The following TFEC variants were observed in gnomAD, a reference collection of about 807,000 sequenced individuals.
TFEC encodes the protein transcription factor EC.
A neutral mutation model predicts 41.6 loss-of-function variants in TFEC; 31 were observed. The ratio of observed to expected loss-of-function variants is 0.74; its 90% confidence interval spans 0.56 to 1.01. The LOEUF (loss-of-function observed/expected upper bound fraction) is 1.01, where lower values mean the gene tolerates loss of function less well. Among genes scored for constraint, TFEC ranks in the 50% least tolerant of loss-of-function variants. The pLI is 0.00. For synonymous variants in TFEC, 143 were observed against 140.6 expected (o/e 1.02, Z -0.12); for missense variants, 402 against 404.1 (o/e 0.99, Z 0.04).
intron 3 of TFEC, among the ~76,000 whole-genome samples, chr7:116,064,441 A>G (rs1027537032): frequency 7.9e-5 from 12 of 151,714 alleles, no homozygotes; most frequent in Admixed American, 5.9e-4. Flanking sequence ...TTCTATGTCA[A>G]TCATAACTCA....
chr7:116,035,812 T>TAA (rs1795895866), upstream of TFEC, among the ~76,000 whole-genome samples: 2 of 151,534 alleles, frequency 1.3e-5, no homozygotes, highest in Admixed American at 6.6e-5. Context: ...AATAATTTGT[T>TAA]GAGAGAGAGA....
intron 4 of TFEC, 140 bp from the exon 5 acceptor site, chr7:115,954,782 C>A: frequency 1.6e-6 from 1 of 638,460 alleles, no homozygotes; most frequent in Admixed American, 3.5e-5. Flanking sequence ...TGCAAATATT[C>A]AGAAATTTGG....
At chr7:115,992,730 A>G (rs561740795) in intron 1 of TFEC, among the ~76,000 whole-genome samples, 11 of 152,324 alleles carry the variant, frequency 7.2e-5, no homozygotes, top group African/African-American at 2.6e-4. Context: ...CCAACCAAAA[A>G]AAGTCCAGGA....
At position 115,938,051 on chromosome 7, in the gene TFEC, C is replaced by G. The variant is rs974564760; in HGVS notation, c.*2500G>C. The stretch of plus-strand genomic sequence containing the variant: ...TTACAGTTCCCTGACATCTCATAAT[C>G]TGAATGTAGCAGCAAATAGCAGTTC... On this transcript the variant is annotated 3_prime_UTR_variant, in exon 8 of 8. Transcript: ENST00000265440. 6.6e-6 allele frequency: 1 copy of G among 151,886 alleles called. No individual in the cohort carries two copies. The highest frequency in any genetic ancestry group is 1.5e-5 in the Non-Finnish European group (1 of 67,866). 9.4% of individuals were successfully genotyped at this position (151,886 alleles called of 1,614,324 possible).
intron 1 of TFEC, among the ~76,000 whole-genome samples, chr7:116,022,005 G>A (rs540460047): frequency 2.0e-5 from 3 of 152,104 alleles, no homozygotes; most frequent in South Asian, 2.1e-4. Flanking sequence ...CAGGCTTATC[G>A]GCCCTGCCTG....
intron 3 of TFEC, among the ~76,000 whole-genome samples, chr7:116,042,451 T>A (rs992910418): frequency 2.0e-5 from 3 of 152,190 alleles, no homozygotes; most frequent in African/African-American, 7.2e-5. Context: ...GTTGAGCTAA[T>A]GTTATTTAAT....
At chr7:116,109,633 T>C (rs1010935595) in intron 3 of TFEC, among the ~76,000 whole-genome samples, 1 of 152,290 alleles carries the variant, frequency 6.6e-6, no homozygotes, top group South Asian at 2.1e-4. Flanking sequence ...GGTGGGACTG[T>C]AAACTAGTTC....
intron 6 of TFEC, among the ~76,000 whole-genome samples, chr7:115,947,280 T>C (rs1432271737): frequency 2.0e-5 from 3 of 151,740 alleles, no homozygotes; most frequent in Non-Finnish European, 4.4e-5. Context: ...TAGTATTCCA[T>C]GGTGGATATG....
chr7:116,136,597 A>T (rs1217376706), intron 1 of TFEC, among the ~76,000 whole-genome samples: 2 of 151,924 alleles, frequency 1.3e-5, no homozygotes, highest in African/African-American at 4.8e-5. Flanking sequence ...GTATGTTTTC[A>T]ATCTCAATAG....
chr7:116,070,977 T>C (rs1796813652), intron 3 of TFEC, among the ~76,000 whole-genome samples: 2 of 151,300 alleles, frequency 1.3e-5, no homozygotes, highest in African/African-American at 4.8e-5. Context: ...TCAAATCGAC[T>C]TGAAAATTCC....
chr7:116,022,423 A>G (rs538318748), intron 1 of TFEC, among the ~76,000 whole-genome samples: 1 of 152,342 alleles, frequency 6.6e-6, no homozygotes, highest in African/African-American at 2.4e-5. Flanking sequence ...TTTTGGAATT[A>G]GCCCACCTAG....
At chr7:116,017,358 A>T (rs969980952) in intron 1 of TFEC, among the ~76,000 whole-genome samples, 12 of 151,990 alleles carry the variant, frequency 7.9e-5, no homozygotes, top group African/African-American at 2.9e-4. Flanking sequence ...AGTAGCTGGG[A>T]CTATAGGCAC....
chr7:116,134,167 G>T (rs1562981976), intron 1 of TFEC, among the ~76,000 whole-genome samples: 2 of 152,108 alleles, frequency 1.3e-5, no homozygotes, highest in Non-Finnish European at 2.9e-5. Flanking sequence ...TACATTAAAA[G>T]AAATAAAATT....
chr7:116,051,202 C>T lies in TFEC; in HGVS notation c.198+59506G>A, dbSNP rs143258079. Among the ~76,000 whole-genome samples the T allele has an allele frequency of 7.9e-3, 1,207 of 152,188 alleles. 14 individuals are homozygous for T. Among genetic ancestry groups the T allele is most frequent in the African/African-American group, 0.026 (1,091 of 41,522 alleles). On this transcript the variant is annotated intron_variant, in intron 3 of 8. Transcript: ENST00000484212. ...TAGGAGATATACCTAATGTAAATGA[C>T]GAGTTAACGAGTGCAGCACACCAAC...
At chr7:115,967,057 C>G (rs1375120360) in intron 3 of TFEC, among the ~76,000 whole-genome samples, 2 of 151,210 alleles carry the variant, frequency 1.3e-5, no homozygotes, top group African/African-American at 4.9e-5. Context: ...ATATGTAAAG[C>G]TAAGAATCTT....
intron 1 of TFEC, among the ~76,000 whole-genome samples, chr7:116,145,662 T>TCAGA (rs1296147947): frequency 6.6e-6 from 1 of 152,192 alleles, no homozygotes; most frequent in African/African-American, 2.4e-5. Context: ...AGTTTCAGTT[T>TCAGA]CAGACATACT....
chr7:116,072,638 T>C (rs1796856942), intron 3 of TFEC, among the ~76,000 whole-genome samples: 1 of 151,668 alleles, frequency 6.6e-6, no homozygotes, highest in Non-Finnish European at 1.5e-5. Flanking sequence ...AATATTTAAG[T>C]AGCCTTATAA....
intron 1 of TFEC, among the ~76,000 whole-genome samples, chr7:115,995,908 A>G (rs1363894545): frequency 6.6e-6 from 1 of 152,150 alleles, no homozygotes; most frequent in Non-Finnish European, 1.5e-5. Flanking sequence ...CCGGAGGGGA[A>G]TTGTCCATTC....
Position 116,111,457 on chromosome 7 carries a change from T to G in TFEC, c.-21-531A>C, listed in dbSNP as rs140097048. On this transcript the variant is annotated intron_variant, in intron 2 of 8. Coordinates refer to the TFEC transcript ENST00000484212. ...AGTGCACTAACAAGTGACCCATACA[T>G]CTCCCCGGATGAAAGTTGTATCCTC... is the stretch of plus-strand genomic sequence containing the variant. Among the ~76,000 whole-genome samples the G allele has an allele frequency of 9.5e-3, 1,443 of 151,982 alleles. 27 individuals carry two copies. The highest frequency in any genetic ancestry group is 0.033 in the African/African-American group (1,366 of 41,470).
Sources: allele counts gnomAD v4.1 joint callset (sites outside exome capture counted in the v4.1 genomes callset), GRCh38; gene constraint gnomAD v4.1.1; transcripts MANE v1.5; gene names NCBI Gene and HGNC (gene_info 2026-07-23, HGNC 2026-07-21).